Variants in DNAH10 observed in about 807,000 individuals in gnomAD.
DNAH10 encodes axonemal beta dynein heavy chain 10.
In DNAH10, 348 loss-of-function variants were observed where a neutral mutation model predicts 506.6. The observed-to-expected ratio is 0.69, with a 90% CI of 0.63 to 0.75. The LOEUF is 0.75. DNAH10 is among the 30% of genes least tolerant of loss of function. The pLI, the probability that DNAH10 is intolerant of heterozygous loss-of-function variation, is 0.00. For synonymous variants in DNAH10, 2,059 were observed against 2,198.6 expected (o/e 0.94, Z 1.78); for missense variants, 5,179 against 5,787.1 (o/e 0.89, Z 3.41).
intron 6 of DNAH10, among the ~76,000 whole-genome samples, chr12:123,782,300 T>G (rs1341392446): frequency 6.7e-6 from 1 of 148,290 alleles, no homozygotes; most frequent in Non-Finnish European, 1.5e-5. Flanking sequence ...GGCTTTCCTT[T>G]TGGAAATGTT....
At chr12:123,924,639 C>T (rs574376506) in intron 67 of DNAH10, among the ~76,000 whole-genome samples, 3 of 150,388 alleles carry the variant, frequency 2.0e-5, no homozygotes, top group Non-Finnish European at 2.9e-5. Context: ...CCTGTCCGTC[C>T]GTCCATCCAT....
Position 123,918,682 on chromosome 12 carries a change from G to A in DNAH10, c.11239G>A (p.Glu3747Lys). The A allele has an allele frequency of 6.4e-7, 1 of 1,552,798 alleles. No individual in the cohort carries two copies. Among genetic ancestry groups the A allele is most frequent in the Non-Finnish European group, 8.7e-7 (1 of 1,146,542 alleles). ...CACCTGTGCTTTTCTTCAGGTCTCA[G>A]AGAAACTCAAGCTGGCGGAGAAGAC... ...ETKSKATEVSEKLKLAEKTAL... is the reference protein window; with the variant it reads ...ETKSKATEVSKKLKLAEKTAL... Residue 3747 changes from glutamate to lysine, a missense_variant, in exon 65 of 79, where the codon GAG becomes AAG. Physicochemically the swap from Glu to Lys is moderately conservative, Grantham distance 56. Coordinates refer to ENST00000673944, the MANE Select transcript of DNAH10 (RefSeq NM_001372106.1).
chr12:123,841,219 A>T, intron 29 of DNAH10, 103 bp from the exon 30 acceptor site: 1 of 1,237,146 alleles, frequency 8.1e-7, no homozygotes, highest in South Asian at 1.2e-5. Context: ...ACCGGTTGCC[A>T]TTGCTTGCAT....
Position 123,772,414 on chromosome 12 carries a change from G to A in DNAH10, c.397-420G>A, listed in dbSNP as rs917274541. 3.9e-5 allele frequency among the ~76,000 whole-genome samples: 6 copies of A among 152,212 alleles called. 1 individual carries two copies. In the East Asian group the frequency reaches 5.8e-4, roughly 15 times the overall value. ...TCTGAAGACGTTTGGCATGTGTGGG[G>A]TTTGGACAACACAGACCTGCTAAAT... On this transcript the variant is annotated intron_variant, in intron 3 of 78. Coordinates refer to ENST00000673944, the MANE Select transcript of DNAH10 (RefSeq NM_001372106.1).
Position 123,868,032 on chromosome 12 carries a change from A to G in DNAH10, c.7432A>G (p.Met2478Val), listed in dbSNP as rs749049932. The G allele has an allele frequency of 6.8e-6, 11 of 1,613,908 alleles. No individual in the cohort carries two copies. In the South Asian group the frequency reaches 7.7e-5, roughly 11 times the overall value. ...AGCCTCCCTGCTTGAGGATGGAAGG[A>G]TGAAATTTGACGAATATATCAAACG... ...LGASLLEDGR[M>V]KFDEYIKRLA... The change falls in exon 43 of 79, where the codon ATG (methionine) becomes GTG (valine). Residue 2478 changes from methionine (M) to valine (V), a missense_variant. By Grantham distance (21) the Met-to-Val change is conservative. This residue lies in a region of DNAH10 where 4,844 missense variants were observed against 5,430.5 expected (regional missense o/e 0.89). Coordinates refer to ENST00000673944, the MANE Select transcript of DNAH10 (RefSeq NM_001372106.1).
intron 65 of DNAH10, among the ~76,000 whole-genome samples, chr12:123,920,237 C>T (rs904183670): frequency 6.6e-6 from 1 of 152,228 alleles, no homozygotes; most frequent in African/African-American, 2.4e-5. Context: ...AAATTTGCTT[C>T]ATATTCAGAT....
rs75173589 is a variant in DNAH10 at position 123,848,820 on chromosome 12, G to A, written c.6040G>A (p.Val2014Met). Residue 2014 changes from valine to methionine, a missense_variant, in exon 34 of 79, where the codon GTG (valine) becomes ATG (methionine). This residue lies in a region of DNAH10 where 4,844 missense variants were observed against 5,430.5 expected (regional missense o/e 0.89). Transcript: ENST00000673944. The stretch of plus-strand genomic sequence containing the variant: ...TCGAATCGATGCTTCTGTGCTCTCC[G>A]TGATCTCCTCCCAGATCCAGACGAT... ...FNRIDASVLSVISSQIQTIRN... is the reference protein window; with the variant it reads ...FNRIDASVLSMISSQIQTIRN... 18,450 of 1,613,830 alleles carry A rather than the reference G, an allele frequency of 0.011. 136 individuals are homozygous for A. The highest frequency in any genetic ancestry group is 0.014 in the Non-Finnish European group (16,245 of 1,179,848).
chr12:123,777,460 A>G (rs1405355174), intron 5 of DNAH10, among the ~76,000 whole-genome samples: 1 of 152,166 alleles, frequency 6.6e-6, no homozygotes, highest in Non-Finnish European at 1.5e-5. Context: ...TGGGGATGGG[A>G]GCAGACGAGG....
chr12:123,876,587 C>T (rs938185072), intron 47 of DNAH10, among the ~76,000 whole-genome samples: 2 of 152,138 alleles, frequency 1.3e-5, no homozygotes, highest in African/African-American at 4.8e-5. Flanking sequence ...GAGCCAAGAT[C>T]ATGCCACTGC....
rs199815884 is a variant in DNAH10 at position 123,898,747 on chromosome 12, C to A, written c.9573C>A (p.Ile3191=). The change falls in exon 56 of 79, where the codon ATC becomes ATA. Residue 3191 remains isoleucine, a synonymous_variant. Coordinates refer to ENST00000673944, the MANE Select transcript of DNAH10 (RefSeq NM_001372106.1). ...ACCAGAAGCTGGCCGAGCAGAAGATCGTGCTGGCGGAGAAGTCCGCCGCCT... is the reference window on the plus strand; with the variant it reads ...ACCAGAAGCTGGCCGAGCAGAAGATAGTGCTGGCGGAGAAGTCCGCCGCCT... ...ELNQKLAEQK[I]VLAEKSAACE... The A allele has an allele frequency of 1.2e-6, 2 of 1,611,648 alleles. No homozygotes were observed. The highest frequency in any genetic ancestry group is 1.3e-5 in the African/African-American group (1 of 74,914).
Position 123,762,571 on chromosome 12 carries a change from C to G in DNAH10, c.214+21C>G. The G allele has an allele frequency of 6.5e-7, 1 of 1,538,500 alleles. No individual in the cohort carries two copies. ...GATTGGTGAGCCTCGACGCGCCGCT[C>G]CCTTCCCCGGGCTTCCCTCCTGCCC... On this transcript the variant is annotated intron_variant, in intron 1 of 78. Coordinates refer to ENST00000673944, the MANE Select transcript of DNAH10 (RefSeq NM_001372106.1). The surrounding 1 kb of genome is among the most constrained non-coding windows in gnomAD (Gnocchi z 5.0).
chr12:123,825,189 C>T (rs914077316), intron 24 of DNAH10, among the ~76,000 whole-genome samples: 1 of 152,014 alleles, frequency 6.6e-6, no homozygotes, highest in Admixed American at 6.6e-5. Context: ...GAAGATTGAT[C>T]ACAGTATTGC....
intron 18 of DNAH10, among the ~76,000 whole-genome samples, chr12:123,805,357 T>A (rs1284048583): frequency 6.6e-6 from 1 of 152,238 alleles, no homozygotes; most frequent in Non-Finnish European, 1.5e-5. Flanking sequence ...CTTGTTCATG[T>A]TGAGAGTGAC....
intron 28 of DNAH10, among the ~76,000 whole-genome samples, chr12:123,836,255 T>C (rs1225152620): frequency 6.6e-6 from 1 of 152,246 alleles, no homozygotes; most frequent in East Asian, 1.9e-4. Context: ...TGAGAAACAG[T>C]TCATATTAGG....
intron 11 of DNAH10, 118 bp downstream of exon 11, chr12:123,790,239 G>T: frequency 1.0e-6 from 1 of 986,112 alleles, no homozygotes; most frequent in South Asian, 1.7e-5. Flanking sequence ...AGTAATACCT[G>T]CTTATTAATT....
chr12:123,783,976 C>A lies in DNAH10; in HGVS notation c.1029C>A (p.Phe343Leu). Reference sequence around the variant, plus strand: ...AAGGCCCTCTGGCTGAAATTGAATTCTGGAGGGAAAGAAATGCAACCTTAA... The same window carrying A: ...AAGGCCCTCTGGCTGAAATTGAATTATGGAGGGAAAGAAATGCAACCTTAA... The part of the protein sequence containing the change: ...QGKGPLAEIE[F>L]WRERNATLSA... The change falls in exon 8 of 79, where the codon TTC (phenylalanine) becomes TTA (leucine). Residue 343 changes from phenylalanine (F) to leucine (L), a missense_variant. This residue lies in a region of DNAH10 where 4,844 missense variants were observed against 5,430.5 expected (regional missense o/e 0.89). Coordinates refer to ENST00000673944, the MANE Select transcript of DNAH10 (RefSeq NM_001372106.1). 6 of 1,614,208 alleles carry A rather than the reference C, an allele frequency of 3.7e-6. No homozygotes were observed. Among genetic ancestry groups the A allele is most frequent in the Non-Finnish European group, 5.1e-6 (6 of 1,180,036 alleles).
chr12:123,825,870 C>A (rs1008958983), intron 24 of DNAH10, among the ~76,000 whole-genome samples: 1 of 152,136 alleles, frequency 6.6e-6, no homozygotes, highest in South Asian at 2.1e-4. Context: ...TGCCTGTAAT[C>A]CCAGCACTTG....
Position 123,830,636 on chromosome 12 carries a change from C to CA in DNAH10, c.4485dup (p.His1496ThrfsTer7), listed in dbSNP as rs778854642. The CA allele has an allele frequency of 6.2e-7, 1 of 1,613,846 alleles. No individual in the cohort carries two copies. On this transcript the variant is annotated frameshift_variant, in exon 26 of 79. Transcript: ENST00000673944. LOFTEE classifies it high-confidence loss of function. ...AAAATATGTTTGCTATGGAACTGCA[C>CA]AAACACACAGATGTTCTCAATGAGA...
chr12:123,908,656 T>A, intron 57 of DNAH10: 1 of 432,854 alleles, frequency 2.3e-6, no homozygotes, highest in Non-Finnish European at 4.7e-6. Context: ...ACAAGGGCAG[T>A]GGACATCTGC....
Sources: allele counts gnomAD v4.1 joint callset (sites outside exome capture counted in the v4.1 genomes callset), GRCh38; gene constraint gnomAD v4.1.1; regional missense constraint gnomAD v4.1.1; non-coding constraint Gnocchi (gnomAD v3.1); transcripts MANE v1.5; gene names NCBI Gene and HGNC (gene_info 2026-07-23, HGNC 2026-07-21).